VSTM2A: variants seen among roughly 807,000 people sequenced by gnomAD.
VSTM2A encodes V-set and transmembrane domain containing 2A, also known as V-set and transmembrane domain-containing protein 2A.
A neutral mutation model predicts 27.3 loss-of-function variants in VSTM2A; 13 were observed. That is an observed-to-expected ratio of 0.48 (90% CI 0.31 to 0.76). The LOEUF is 0.76. Among genes scored for constraint, VSTM2A ranks in the 30% least tolerant of loss-of-function variants. The pLI is 0.05. For synonymous variants in VSTM2A, 142 were observed against 125.7 expected (o/e 1.13, Z -0.87); for missense variants, 280 against 310.0 (o/e 0.90, Z 0.73).
At chr7:54,552,047 A>G (rs1383560523) in intron 4 of VSTM2A, 2 of 152,226 alleles carry the variant, frequency 1.3e-5, no homozygotes, top group African/African-American at 4.8e-5. Context: ...TTAGTGCTAA[A>G]TGATAAACTC....
chr7:54,549,578 G>A (rs536577469), intron 3 of VSTM2A, among the ~76,000 whole-genome samples: 1 of 152,186 alleles, frequency 6.6e-6, no homozygotes, highest in Non-Finnish European at 1.5e-5. Context: ...GTAGACAATG[G>A]GGGGCACGTG....
intron 4 of VSTM2A, chr7:54,557,257 A>G (rs1788393613): frequency 6.6e-6 from 1 of 151,988 alleles, no homozygotes; most frequent in Non-Finnish European, 1.5e-5. Flanking sequence ...GTTAAAGAGG[A>G]AGGCTGCTTC....
At chr7:54,568,751 G>GTA (rs900824043) in intron 4 of VSTM2A, among the ~76,000 whole-genome samples, 1 of 152,132 alleles carries the variant, frequency 6.6e-6, no homozygotes, top group African/African-American at 2.4e-5. Context: ...TGAGGGAAAA[G>GTA]TATCTGGATT....
chr7:54,554,557 TC>T (rs1278323539), intron 4 of VSTM2A, among the ~76,000 whole-genome samples: 3 of 152,176 alleles, frequency 2.0e-5, no homozygotes, highest in Non-Finnish European at 2.9e-5. Context: ...CTATTTTCCT[TC>T]CCCTGAGCAT....
intron 4 of VSTM2A, among the ~76,000 whole-genome samples, chr7:54,568,294 G>A (rs779329414): frequency 6.3e-4 from 96 of 152,084 alleles, no homozygotes; most frequent in African/African-American, 2.1e-3. Context: ...TACCCCCTTC[G>A]AACACATTTA....
At chr7:54,549,805 T>G in intron 3 of VSTM2A, 29 bp from the exon 4 acceptor site, 10 of 1,543,300 alleles carry the variant, frequency 6.5e-6, no homozygotes, top group Non-Finnish European at 7.8e-6. Context: ...TGTAGCACTT[T>G]ATTGTTTTTT....
chr7:54,550,010 G>A lies in VSTM2A; in HGVS notation c.474G>A (p.Gln158=), dbSNP rs1303601549. 5 of 1,612,424 alleles carry A rather than the reference G, an allele frequency of 3.1e-6. No individual in the cohort carries two copies. The highest frequency in any genetic ancestry group is 2.2e-5 in the East Asian group (1 of 44,844). ...CCAACAGCCATGCCCGCAGAATGCA[G>A]GCCTTCGAAGCCTCGCCCATGTGGC... is the stretch of plus-strand genomic sequence containing the variant. ...VNANSHARRM[Q]AFEASPMWLQ... The change falls in exon 4 of 5, where the codon CAG becomes CAA. Residue 158 remains glutamine, a synonymous_variant. Transcript: ENST00000402613.
At chr7:54,544,163 A>G (rs1249225819) in intron 1 of VSTM2A, among the ~76,000 whole-genome samples, 2 of 152,232 alleles carry the variant, frequency 1.3e-5, no homozygotes, top group African/African-American at 4.8e-5. Context: ...AGGAATGTGC[A>G]TTTTGACAGA....
intron 4 of VSTM2A, among the ~76,000 whole-genome samples, chr7:54,567,092 C>T (rs539494076): frequency 4.6e-5 from 7 of 151,954 alleles, no homozygotes; most frequent in Non-Finnish European, 1.0e-4. Context: ...TCTTTTCATT[C>T]AAGACATAAA....
chr7:54,557,581 T>A (rs568140345), intron 4 of VSTM2A, among the ~76,000 whole-genome samples: 1 of 152,056 alleles, frequency 6.6e-6, no homozygotes, highest in East Asian at 1.9e-4. Context: ...TGATCCCCTC[T>A]CTTTGGCCTC....
chr7:54,548,526 A>T (rs974632923), intron 3 of VSTM2A, among the ~76,000 whole-genome samples: 1 of 151,884 alleles, frequency 6.6e-6, no homozygotes, highest in Non-Finnish European at 1.5e-5. Flanking sequence ...ATAGCACCCC[A>T]GGTGATTCTA....
rs574108941 is a variant in VSTM2A, at chr7:54,565,959, G to A, written c.635-3172G>A. Among the ~76,000 whole-genome samples, 29 of 152,302 alleles carry A rather than the reference G, an allele frequency of 1.9e-4. 1 individual carries two copies. The highest frequency in any genetic ancestry group is 5.1e-4 in the African/African-American group (21 of 41,564). On this transcript the variant is annotated intron_variant, in intron 4 of 4. Transcript: ENST00000402613. ...CACTCTTGCATGAGGAAGAGAAAAG[G>A]ATGAGAAATGGAAGCCAAGTTTCTG...
chr7:54,569,805 A>G lies in VSTM2A; in HGVS notation c.*586A>G, dbSNP rs73121870. ...TTCAGTGTATTTTAATTCATTTTGC[A>G]ATTCCTGTGTATGCAAACCTGATAA... On this transcript the variant is annotated 3_prime_UTR_variant, in exon 5 of 5. Coordinates refer to ENST00000402613, the MANE Select transcript of VSTM2A (RefSeq NM_001301009.2). The G allele has an allele frequency of 0.055, 8,338 of 152,394 alleles. 335 individuals carry two copies. The highest frequency in any genetic ancestry group is 0.085 in the Non-Finnish European group (5,794 of 68,232). The allele number at this position is 152,394 out of a possible 1,614,324, so 9.4% of individuals were successfully genotyped here. A position where few individuals can be genotyped will look rare whatever the true frequency, so the allele number is the denominator to read the frequency against.
At chr7:54,546,859 T>C in intron 2 of VSTM2A, 88 bp from the exon 3 acceptor site, 7 of 1,533,806 alleles carry the variant, frequency 4.6e-6, no homozygotes, top group Non-Finnish European at 6.1e-6. Context: ...CTGACGGCCC[T>C]GCCCGGAGCC....
At position 54,542,691 on chromosome 7, in the gene VSTM2A, G is replaced by A. The variant is rs1787820363; in HGVS notation, c.-40G>A. On this transcript the variant is annotated 5_prime_UTR_variant, in exon 1 of 5. Coordinates refer to ENST00000402613, the MANE Select transcript of VSTM2A (RefSeq NM_001301009.2). ...CACGCCTTTCTTTCAGGGCTTTTCG[G>A]CTGTTGGCTACACTGATGTGACCCC... 1.3e-6 allele frequency: 2 copies of A among 1,593,568 alleles called. No individual in the cohort carries two copies. The highest frequency in any genetic ancestry group is 1.3e-5 in the African/African-American group (1 of 74,140).
intron 4 of VSTM2A, chr7:54,551,517 G>T (rs371329699): frequency 1.3e-5 from 2 of 152,092 alleles, no homozygotes; most frequent in Non-Finnish European, 2.9e-5. Context: ...GTGTGGATTT[G>T]TCTAATTTTT....
chr7:54,549,189 T>C (rs1375931846), intron 3 of VSTM2A, among the ~76,000 whole-genome samples: 4 of 152,160 alleles, frequency 2.6e-5, no homozygotes, highest in East Asian at 3.9e-4. Context: ...ATAAAGTCCC[T>C]ATAATGGCAT....
chr7:54,542,921 C>G, intron 1 of VSTM2A, 112 bp downstream of exon 1: 2 of 988,534 alleles, frequency 2.0e-6, no homozygotes. Context: ...TAACAGTGGG[C>G]TTAGGCTGTA....
chr7:54,559,942 A>T (rs1394625020), intron 4 of VSTM2A: 3 of 152,164 alleles, frequency 2.0e-5, no homozygotes, highest in Admixed American at 6.5e-5. Context: ...AGAAAAATAA[A>T]AGAAAAAAAG....
Sources: gnomAD v4.1 joint callset for allele counts (sites outside exome capture counted in the v4.1 genomes callset) on GRCh38, gnomAD v4.1.1 for gene constraint, MANE v1.5 for transcripts, NCBI Gene and HGNC (gene_info 2026-07-23, HGNC 2026-07-21) for gene names.